SYTL5: variants seen among roughly 807,000 people sequenced by gnomAD.
SYTL5 encodes the protein synaptotagmin like 5.
SYTL5 carries 34 observed loss-of-function variants against 55.9 expected under a neutral mutation model. That is an observed-to-expected ratio of 0.61 (90% confidence interval 0.46 to 0.81). The LOEUF (loss-of-function observed/expected upper bound fraction) is 0.81. Among genes scored for constraint, SYTL5 ranks in the 30% least tolerant of loss-of-function variants. The pLI, the probability that SYTL5 is intolerant of heterozygous loss-of-function variation, is 0.00. For missense variants in SYTL5, 637 were observed against 546.7 expected (o/e 1.17, Z -1.65); for synonymous variants, 221 against 188.7 (o/e 1.17, Z -1.40).
chrX:37,932,240 C>T, the SYTL5 span, among the ~76,000 whole-genome samples: 1 of 111,046 alleles, frequency 9.0e-6, no homozygotes, highest in Non-Finnish European at 1.9e-5. Context: ...AGAGAAGGAG[C>T]GAGGAGACAT....
chrX:37,981,689 T>C, the SYTL5 span, among the ~76,000 whole-genome samples: 3 of 111,805 alleles, frequency 2.7e-5, no homozygotes, highest in Non-Finnish European at 5.6e-5. Context: ...TTATGCCCTA[T>C]GTTAGAAGCA....
In SYTL5 at chrX:38,119,091, G is replaced by A. The variant is rs1441920308; in HGVS notation, c.1597-1267G>A. 3.6e-5 allele frequency among the ~76,000 whole-genome samples: 4 copies of A among 109,651 alleles called. No individual in the cohort carries two copies. The Admixed American group carries it at 3.9e-4, about 11-fold the overall frequency. On this transcript the variant is annotated intron_variant, in intron 13 of 16. Coordinates refer to ENST00000297875, the MANE Select transcript of SYTL5 (RefSeq NM_138780.3). ...GGCCTCCCAAAATGCTGGGATTACA[G>A]GCATGAGCCACTACACCCAGCCACA...
At chrX:37,955,437 A>G in the SYTL5 span, among the ~76,000 whole-genome samples, 1 of 112,122 alleles carries the variant, frequency 8.9e-6, no homozygotes, top group African/African-American at 3.2e-5. Flanking sequence ...CAAACTATTT[A>G]CTTTGTTTTA....
the SYTL5 span, among the ~76,000 whole-genome samples, chrX:37,892,126 C>A: frequency 9.0e-6 from 1 of 110,964 alleles, no homozygotes; most frequent in East Asian, 2.8e-4. Flanking sequence ...AATAGGTCAA[C>A]TACTAACCTG....
At chrX:38,115,483 C>G (rs866656350) in intron 13 of SYTL5, among the ~76,000 whole-genome samples, 1 of 17,476 alleles carries the variant, frequency 5.7e-5, no homozygotes, top group Non-Finnish European at 1.0e-4. Context: ...GACTCCGTCT[C>G]AAAAAAAAAA....
In SYTL5 at chrX:38,128,102, G is replaced by C. The variant is rs1937705527; in HGVS notation, c.*1372G>C. 8.9e-6 allele frequency: 1 copy of C among 112,251 alleles called. No individual in the cohort carries two copies. The highest frequency in any genetic ancestry group is 1.9e-5 in the Non-Finnish European group (1 of 53,288). 9.3% of individuals were successfully genotyped at this position (112,251 alleles called of 1,213,427 possible). A position where few individuals can be genotyped will look rare whatever the true frequency, so the allele number is the denominator to read the frequency against. The stretch of plus-strand genomic sequence containing the variant: ...ATACCTTCTCTCACCTGGAATTCCA[G>C]ATGCTTGAGCTACGAAACTTAGATG... On this transcript the variant is annotated 3_prime_UTR_variant, in exon 17 of 17. Coordinates refer to ENST00000297875, the MANE Select transcript of SYTL5 (RefSeq NM_138780.3).
chrX:37,925,412 G>A, the SYTL5 span, among the ~76,000 whole-genome samples: 1 of 111,327 alleles, frequency 9.0e-6, no homozygotes, highest in African/African-American at 3.3e-5. Context: ...CACTGGGATT[G>A]CTGGAGCATA....
chrX:38,086,840 A>T lies in SYTL5; in HGVS notation c.690-2606A>T, dbSNP rs1429652631. ...TTTTTGAGTTTAATCAACTGGAAAAAATTTTTTGAGAAGCTCACAGTAAAT... is the reference window on the plus strand; with the variant it reads ...TTTTTGAGTTTAATCAACTGGAAAATATTTTTTGAGAAGCTCACAGTAAAT... On this transcript the variant is annotated intron_variant, in intron 6 of 16. Coordinates refer to ENST00000297875, the MANE Select transcript of SYTL5 (RefSeq NM_138780.3). Among the ~76,000 whole-genome samples, 10 of 111,798 alleles carry T rather than the reference A, an allele frequency of 8.9e-5. No homozygotes were observed. The Admixed American group carries it at 9.5e-4, about 11-fold the overall frequency.
chrX:38,096,833 A>C (rs1936951251), intron 9 of SYTL5, among the ~76,000 whole-genome samples: 1 of 111,474 alleles, frequency 9.0e-6, no homozygotes, highest in South Asian at 3.7e-4. Context: ...CACACTAGGA[A>C]ACTTAGAGTT....
At chrX:37,895,288 TACTTA>T in the SYTL5 span, among the ~76,000 whole-genome samples, 1 of 112,481 alleles carries the variant, frequency 8.9e-6, no homozygotes, top group Non-Finnish European at 1.9e-5. Flanking sequence ...TTTGGTAAAT[TACTTA>T]ACTTCTTTGT....
the SYTL5 span, among the ~76,000 whole-genome samples, chrX:37,943,973 AC>A: frequency 9.0e-6 from 1 of 110,936 alleles, no homozygotes; most frequent in Admixed American, 9.6e-5. Flanking sequence ...AGTTCTGAAC[AC>A]ACTAATCTAG....
At chrX:38,025,425 C>A in intron 1 of SYTL5, among the ~76,000 whole-genome samples, 1 of 111,730 alleles carries the variant, frequency 9.0e-6, no homozygotes, top group Non-Finnish European at 1.9e-5. Flanking sequence ...AAACTTATGT[C>A]CCTTTGTGAT....
At chrX:38,106,929 TG>T (rs1181268265) in intron 11 of SYTL5, among the ~76,000 whole-genome samples, 158 bp downstream of exon 11, 1 of 112,837 alleles carries the variant, frequency 8.9e-6, no homozygotes, top group East Asian at 2.8e-4. Flanking sequence ...AAATATTCTC[TG>T]AAGCAAATGT....
the SYTL5 span, among the ~76,000 whole-genome samples, chrX:37,918,131 G>T: frequency 9.0e-6 from 1 of 111,486 alleles, no homozygotes; most frequent in African/African-American, 3.3e-5. Context: ...CTTGTCTTTT[G>T]GACATGTGAC....
In SYTL5 at chrX:38,054,427, G is replaced by A; in HGVS notation, c.329+5G>A. On this transcript the variant is annotated splice_donor_5th_base_variant and intron_variant, in intron 3 of 16. Coordinates refer to ENST00000297875, the MANE Select transcript of SYTL5 (RefSeq NM_138780.3). ...CACTGTCTGTGACAAAATCGCGTGA[G>A]TTTCTTGATTTTTCATGGAAAGTGG... is the stretch of plus-strand genomic sequence containing the variant. 1 of 1,205,424 alleles carries A rather than the reference G, an allele frequency of 8.3e-7. No individual in the cohort carries two copies. The highest frequency in any genetic ancestry group is 1.1e-6 in the Non-Finnish European group (1 of 890,644).
chrX:38,029,174 C>T (rs963287129), intron 1 of SYTL5, among the ~76,000 whole-genome samples: 5 of 111,790 alleles, frequency 4.5e-5, no homozygotes, highest in African/African-American at 1.6e-4. Flanking sequence ...GAATAATACC[C>T]CTTTAACTTT....
At chrX:38,018,641 C>A (rs1934439335) in intron 1 of SYTL5, among the ~76,000 whole-genome samples, 1 of 110,968 alleles carries the variant, frequency 9.0e-6, no homozygotes, top group Non-Finnish European at 1.9e-5. Flanking sequence ...TAGGCTTTAC[C>A]CCCGTGTTAC....
At chrX:37,998,370 C>T in the SYTL5 span, among the ~76,000 whole-genome samples, 5 of 112,311 alleles carry the variant, frequency 4.5e-5, no homozygotes, top group South Asian at 7.5e-4. Context: ...CAAGGGCTGT[C>T]ACTCCCTCTT....
intron 15 of SYTL5, 50 bp downstream of exon 15, chrX:38,122,265 G>A: frequency 1.8e-6 from 2 of 1,113,628 alleles, no homozygotes; most frequent in South Asian, 2.1e-5. Context: ...GAGATGAAAG[G>A]ATCTGTGATC....
Sources: allele counts gnomAD v4.1 joint callset (sites outside exome capture counted in the v4.1 genomes callset), GRCh38; gene constraint gnomAD v4.1.1; transcripts MANE v1.5; gene names NCBI Gene and HGNC (gene_info 2026-07-23, HGNC 2026-07-21).